The following MUC6 variants were observed in gnomAD, a reference collection of about 807,000 sequenced individuals.
MUC6 encodes mucin 6, oligomeric mucus/gel-forming (gene/pseudogene).
Under a neutral mutation model 201.5 loss-of-function variants are expected in MUC6, and 188 were observed. The ratio of observed to expected loss-of-function variants is 0.93; its 90% confidence interval spans 0.83 to 1.05. The LOEUF is 1.05. MUC6 is among the 50% of genes least tolerant of loss of function. The pLI, the probability that MUC6 is intolerant of heterozygous loss-of-function variation, is 0.00. For synonymous variants in MUC6, 1,228 were observed against 1,389.4 expected (o/e 0.88, Z 2.58); for missense variants, 2,706 against 3,256.9 (o/e 0.83, Z 4.12).
At position 1,013,248 on chromosome 11, in the gene MUC6, CAG is replaced by C. The variant is rs1856518685; in HGVS notation, c.*206_*207del. The stretch of plus-strand genomic sequence containing the variant: ...CCGCCTCAGTCCCTCTCTGCTGGCT[CAG>C]GGTCTGCAGGAGTGTGGTAGTCTGA... On this transcript the variant is annotated 3_prime_UTR_variant, in exon 33 of 33. Transcript: ENST00000421673. The C allele has an allele frequency of 1.9e-5, 11 of 587,366 alleles. No homozygotes were observed. The highest frequency in any genetic ancestry group is 9.5e-5 in the African/African-American group (5 of 52,842). 36.4% of individuals were successfully genotyped at this position (587,366 alleles called of 1,614,324 possible).
chr11:1,020,285 T>C, intron 28 of MUC6, 28 bp from the exon 29 acceptor site: 1 of 1,586,466 alleles, frequency 6.3e-7, no homozygotes, highest in Non-Finnish European at 8.6e-7. Flanking sequence ...CCATCAGGGC[T>C]GCAGGGTACC....
At chr11:1,027,891 C>T (rs916116547) in intron 15 of MUC6, 74 bp from the exon 16 acceptor site, 1 of 1,571,458 alleles carries the variant, frequency 6.4e-7, no homozygotes. Flanking sequence ...AAACCTATGC[C>T]CTTGGGTGCC....
intron 2 of MUC6, among the ~76,000 whole-genome samples, chr11:1,032,746 TTGTG>T (rs144225263): frequency 6.7e-6 from 1 of 149,030 alleles, no homozygotes; most frequent in African/African-American, 2.5e-5. Context: ...GTGTGTTGGG[TTGTG>T]TGTCTGTGTA....
At chr11:1,014,955 T>G (rs1303040037) in intron 31 of MUC6, among the ~76,000 whole-genome samples, 1 of 152,238 alleles carries the variant, frequency 6.6e-6, no homozygotes. Context: ...CGAACCAAGA[T>G]TCCCTCAGCT....
rs900041729 is a variant in MUC6 at position 1,021,224 on chromosome 11, C to T, written c.3580G>A (p.Val1194Met). The change falls in exon 27 of 33, where the codon GTG becomes ATG. Residue 1194 changes from valine (V) to methionine (M), a missense_variant. This residue lies in a region of MUC6 where 1,850 missense variants were observed against 1,958.3 expected (regional missense o/e 0.94). Transcript: ENST00000421673. The part of the protein sequence containing the change: ...EYFDHEEGVC[V>M]PCMPPTTPQP... ...AGCCGACTGGACTTACTGCAGGGCA[C>T]GCACACCCCCTCCTCGTGGTCGAAG... 20 of 1,588,648 alleles carry T rather than the reference C, an allele frequency of 1.3e-5. No homozygotes were observed. Among genetic ancestry groups the T allele is most frequent in the African/African-American group, 5.5e-5 (4 of 73,098 alleles).
Position 1,029,077 on chromosome 11 carries a change from G to C in MUC6, c.1349C>G (p.Ser450Cys), listed in dbSNP as rs558664850. 7.6e-4 allele frequency: 1,221 copies of C among 1,612,872 alleles called. 23 individuals carry two copies. The South Asian group carries it at 0.013, about 17-fold the overall frequency. ...DKSGVSHSET[S>C]LVAVVYLSRQ... is the part of the protein sequence containing the mutation. The stretch of plus-strand genomic sequence containing the variant: ...GGAGAGGTAGACCACAGCCACCAGG[G>C]AGGTCTCGGAGTGTGAGACGCCGGA... The change falls in exon 11 of 33, where the codon TCC becomes TGC. Residue 450 changes from serine (S) to cysteine (C), a missense_variant. Coordinates refer to ENST00000421673, the MANE Select transcript of MUC6 (RefSeq NM_005961.3).
Position 1,025,900 on chromosome 11 carries a change from T to C in MUC6, c.2704A>G (p.Asn902Asp), listed in dbSNP as rs201901235. The change falls in exon 22 of 33, where the codon AAC (asparagine) becomes GAC (aspartate). Residue 902 changes from asparagine to aspartate, a missense_variant. Coordinates refer to ENST00000421673, the MANE Select transcript of MUC6 (RefSeq NM_005961.3). ...ATCTTGAAGGTGGGCTGTGAGTCGT[T>C]GACACCACAGACGTCCTGCAGGGAG... ...YILATDVCGV[N>D]DSQPTFKILT... The C allele has an allele frequency of 5.3e-5, 86 of 1,611,550 alleles. 1 individual carries two copies. In the African/African-American group the frequency reaches 1.1e-3, roughly 20 times the overall value.
intron 6 of MUC6, 81 bp downstream of exon 6, chr11:1,030,866 C>A: frequency 6.6e-7 from 1 of 1,526,708 alleles, no homozygotes; most frequent in Non-Finnish European, 8.8e-7. Context: ...GTCTGTGATG[C>A]GGCTGCTTGT....
In MUC6 at chr11:1,031,888, A is replaced by T; in HGVS notation, c.281T>A (p.Ile94Asn). The T allele has an allele frequency of 6.2e-7, 1 of 1,613,042 alleles. No homozygotes were observed. The highest frequency in any genetic ancestry group is 8.5e-7 in the Non-Finnish European group (1 of 1,179,864). The change falls in exon 3 of 33, where the codon ATC becomes AAC. Residue 94 changes from isoleucine to asparagine, a missense_variant. This residue lies in a region of MUC6 where 1,850 missense variants were observed against 1,958.3 expected (regional missense o/e 0.94). Transcript: ENST00000421673. Reference sequence around the variant, plus strand: ...CCCCAGCTCCACGATGATCCGCGAGATGCTCCCGTCTGGGCCTCGCCGCAG... The same window carrying T: ...CCCCAGCTCCACGATGATCCGCGAGTTGCTCCCGTCTGGGCCTCGCCGCAG... Reference protein sequence around the residue: ...VQLRRGPDGSISRIIVELGAS... With the variant: ...VQLRRGPDGSNSRIIVELGAS...
At chr11:1,032,970 T>A (rs1420295216) in intron 2 of MUC6, 43 bp downstream of exon 2, 6 of 1,542,382 alleles carry the variant, frequency 3.9e-6, no homozygotes, top group Non-Finnish European at 5.3e-6. Flanking sequence ...ACACCGGGCC[T>A]GGGTGGTCTG....
rs759859775 is a variant in MUC6 at position 1,016,462 on chromosome 11, G to A, written c.6339C>T (p.His2113=). ...AAACAGGAGTGGTTGCAGAACTCAA[G>A]TGGGGGAGTTGTGTGGTGATAGGTG... ...PSSPITTQLP[H]LSSATTPVST... Residue 2113 remains histidine, a synonymous_variant, in exon 31 of 33, where the codon CAC becomes CAT. Coordinates refer to ENST00000421673, the MANE Select transcript of MUC6 (RefSeq NM_005961.3). The A allele has an allele frequency of 4.3e-6, 7 of 1,613,808 alleles. No individual in the cohort carries two copies. The South Asian group carries it at 5.5e-5, about 13-fold the overall frequency.
chr11:1,014,165 C>G (rs1488982151), intron 31 of MUC6, among the ~76,000 whole-genome samples, 164 bp from the exon 32 acceptor site: 1 of 152,246 alleles, frequency 6.6e-6, no homozygotes, highest in Non-Finnish European at 1.5e-5. Context: ...CAGCCATACA[C>G]AAAGGCAAAG....
At chr11:1,025,452 G>A in intron 22 of MUC6, 85 bp from the exon 23 acceptor site, 2 of 1,490,060 alleles carry the variant, frequency 1.3e-6, no homozygotes, top group Non-Finnish European at 1.8e-6. Context: ...CTCAGAGACA[G>A]AGCTGCCCAG....
chr11:1,028,168 C>T (rs1857010186), intron 14 of MUC6, 58 bp downstream of exon 14: 17 of 1,537,904 alleles, frequency 1.1e-5, no homozygotes, highest in Non-Finnish European at 1.5e-5. Context: ...GTCCAGGGGT[C>T]TGTCAGAACT....
chr11:1,023,079 T>C (rs1189035135), intron 26 of MUC6, among the ~76,000 whole-genome samples: 1 of 150,238 alleles, frequency 6.7e-6, no homozygotes, highest in African/African-American at 2.5e-5. Flanking sequence ...ATATGTTGAA[T>C]GAGTGTGTGT....
rs781678501 is a variant in MUC6 at position 1,019,423 on chromosome 11, C to G, written c.3882G>C (p.Ser1294=). 14 of 1,613,510 alleles carry G rather than the reference C, an allele frequency of 8.7e-6. No individual in the cohort carries two copies. In the South Asian group the frequency reaches 1.1e-4, roughly 13 times the overall value. ...GGGTCACTGTGGGTTTTGTGGCTGT[C>G]GATCTCAGTGTGGCTGTGGGAGGCA... ...SGLPPTATLR[S]TATKPTVTQA... is the part of the protein sequence containing the mutation. Residue 1294 remains serine (S), a synonymous_variant, in exon 30 of 33, where the codon TCG becomes TCC. Transcript: ENST00000421673.
In MUC6 at chr11:1,025,890, T is replaced by C; in HGVS notation, c.2714A>G (p.Gln905Arg). 6.2e-7 allele frequency: 1 copy of C among 1,612,156 alleles called. No individual in the cohort carries two copies. Among genetic ancestry groups the C allele is most frequent in the Non-Finnish European group, 8.5e-7 (1 of 1,179,462 alleles). Reference protein sequence around the residue: ...ATDVCGVNDSQPTFKILTENV... With the variant: ...ATDVCGVNDSRPTFKILTENV... ...CTCTGTCAGGATCTTGAAGGTGGGC[T>C]GTGAGTCGTTGACACCACAGACGTC... The change falls in exon 22 of 33, where the codon CAG becomes CGG. Residue 905 changes from glutamine to arginine, a missense_variant. By Grantham distance (43) the Gln-to-Arg change is conservative. Transcript: ENST00000421673.
chr11:1,025,944 C>T, intron 21 of MUC6, 29 bp from the exon 22 acceptor site: 3 of 1,597,744 alleles, frequency 1.9e-6, no homozygotes, highest in East Asian at 2.3e-5. Flanking sequence ...GAGGAGGAGC[C>T]CTGGAGGCCG....
chr11:1,022,521 A>T (rs754887367), intron 26 of MUC6, among the ~76,000 whole-genome samples: 6 of 152,154 alleles, frequency 3.9e-5, no homozygotes, highest in Non-Finnish European at 7.4e-5. Context: ...CAAGGGCCCC[A>T]ACCACCCTGT....
Sources: allele counts gnomAD v4.1 joint callset (sites outside exome capture counted in the v4.1 genomes callset), GRCh38; gene constraint gnomAD v4.1.1; regional missense constraint gnomAD v4.1.1; transcripts MANE v1.5; gene names NCBI Gene and HGNC (gene_info 2026-07-23, HGNC 2026-07-21).